CCDC40: variants seen among roughly 807,000 people sequenced by gnomAD.
The protein encoded by CCDC40 is coiled-coil domain 40 molecular ruler complex subunit, also known as coiled-coil domain-containing protein 40.
A neutral mutation model predicts 124.5 loss-of-function variants in CCDC40; 104 were observed. That is an observed-to-expected ratio of 0.84 (90% CI 0.71 to 0.98). CCDC40 has a LOEUF of 0.98. CCDC40 is among the 50% of genes least tolerant of loss of function. The probability of loss-of-function intolerance (pLI) is 0.00; values close to 1 mark genes in which losing one functional copy is unlikely to be tolerated. For synonymous variants in CCDC40, 580 were observed against 602.9 expected (o/e 0.96, Z 0.56); for missense variants, 1,463 against 1,503.9 (o/e 0.97, Z 0.45).
chr17:80,089,591 C>T (rs1432178970), intron 16 of CCDC40, 173 bp from the exon 17 acceptor site: 9 of 497,788 alleles, frequency 1.8e-5, no homozygotes, highest in Non-Finnish European at 2.9e-5. Context: ...CAAACGTTTG[C>T]ATAAGGAGCC....
chr17:80,070,339 A>G (rs1191978694), intron 10 of CCDC40, among the ~76,000 whole-genome samples: 1 of 152,236 alleles, frequency 6.6e-6, no homozygotes, highest in African/African-American at 2.4e-5. Flanking sequence ...TCCTGCCTGT[A>G]ATCACAGTGC....
Position 80,065,959 on chromosome 17 carries a change from C to G in CCDC40, c.1562+353C>G, listed in dbSNP as rs534925968. 8.0e-6 allele frequency: 5 copies of G among 624,618 alleles called. No homozygotes were observed. The East Asian group carries it at 1.4e-4, about 17-fold the overall frequency. 38.7% of individuals were successfully genotyped at this position (624,618 alleles called of 1,614,324 possible). A position where few individuals can be genotyped will look rare whatever the true frequency, so the allele number is the denominator to read the frequency against. The stretch of plus-strand genomic sequence containing the variant: ...TGAGTGCGGAAACCCCATCCCTTCT[C>G]GATTGTTCTGCCTGAGGGCTGCATT... On this transcript the variant is annotated intron_variant, in intron 10 of 19. Coordinates refer to ENST00000397545, the MANE Select transcript of CCDC40 (RefSeq NM_017950.4).
intron 18 of CCDC40, among the ~76,000 whole-genome samples, chr17:80,096,993 G>C (rs2038821574): frequency 6.6e-6 from 1 of 152,200 alleles, no homozygotes; most frequent in African/African-American, 2.4e-5. Flanking sequence ...CAGACCCACT[G>C]CACGGGGAGC....
intron 17 of CCDC40, among the ~76,000 whole-genome samples, chr17:80,092,356 A>G (rs911128340): frequency 6.6e-6 from 1 of 151,976 alleles, no homozygotes; most frequent in Non-Finnish European, 1.5e-5. Context: ...GTTTTGATAG[A>G]GACGTACAAT....
intron 3 of CCDC40, 76 bp downstream of exon 3, chr17:80,040,346 G>A: frequency 7.5e-7 from 1 of 1,332,966 alleles, no homozygotes; most frequent in Non-Finnish European, 1.1e-6. Context: ...GAGGAACTTG[G>A]GAATACATTA....
chr17:80,048,505 G>A, intron 4 of CCDC40, 78 bp from the exon 5 acceptor site: 1 of 1,170,342 alleles, frequency 8.5e-7, no homozygotes. Flanking sequence ...CAGCAGCTGT[G>A]CCATTGATGC....
intron 1 of CCDC40, among the ~76,000 whole-genome samples, chr17:80,037,692 TATAC>T (rs1427830540): frequency 0.037 from 2,123 of 56,786 alleles, 116 homozygotes; most frequent in African/African-American, 0.096. Context: ...TTAAAAAAGA[TATAC>T]ATATATATAT....
Position 80,099,562 on chromosome 17 carries a change from T to G in CCDC40, c.3216T>G (p.Leu1072=), listed in dbSNP as rs758698381. 3.9e-5 allele frequency: 63 copies of G among 1,612,616 alleles called. 2 individuals are homozygous for G. The South Asian group carries it at 6.3e-4, about 16-fold the overall frequency. ...LSEIVALQTR[L]KHLQAVKEGR... ...AGATCGTGGCCCTGCAGACACGCCT[T>G]AAGCACCTGCAGGCTGTGAAGGAGG... The change falls in exon 20 of 20, where the codon CTT becomes CTG. Residue 1072 remains leucine (L), a synonymous_variant. Transcript: ENST00000397545.
intron 7 of CCDC40, among the ~76,000 whole-genome samples, chr17:80,056,026 T>A (rs1479281041): frequency 1.1e-4 from 9 of 78,970 alleles, no homozygotes; most frequent in Non-Finnish European, 2.4e-4. Flanking sequence ...ATTTTTTTTT[T>A]TTTTTGGTAG....
intron 10 of CCDC40, among the ~76,000 whole-genome samples, chr17:80,080,878 C>T (rs977721044): frequency 2.0e-5 from 3 of 152,026 alleles, no homozygotes; most frequent in Non-Finnish European, 4.4e-5. Flanking sequence ...CTACAGTTCA[C>T]GGTAAGTTAG....
chr17:80,057,149 A>C (rs1308402325), intron 7 of CCDC40, among the ~76,000 whole-genome samples: 1 of 151,316 alleles, frequency 6.6e-6, no homozygotes, highest in Non-Finnish European at 1.5e-5. Context: ...TTTTTTTGAG[A>C]CAGAGTCTCA....
At chr17:80,049,395 G>A (rs1006235424) in intron 5 of CCDC40, among the ~76,000 whole-genome samples, 60 of 143,330 alleles carry the variant, frequency 4.2e-4, no homozygotes, top group Non-Finnish European at 8.0e-4. Flanking sequence ...GGCAATAAGA[G>A]CGAAACTCTG....
At chr17:80,071,567 G>A (rs1442380859) in intron 10 of CCDC40, among the ~76,000 whole-genome samples, 3 of 152,182 alleles carry the variant, frequency 2.0e-5, no homozygotes, top group African/African-American at 7.2e-5. Context: ...CCGACGTCAC[G>A]ATTTTTGGAC....
At position 80,058,541 on chromosome 17, in the gene CCDC40, TACATGCAGA is replaced by T. The variant is rs775672044; in HGVS notation, c.1212_1220del (p.Met404_Asn406del). ...GGAGAACTTGGCCCTGCATCTCTTC[TACATGCAGA>T]ACATCGACCAGGACATGCGTGACGA... is the stretch of plus-strand genomic sequence containing the variant. On this transcript the variant is annotated inframe_deletion, in exon 8 of 20. Coordinates refer to ENST00000397545, the MANE Select transcript of CCDC40 (RefSeq NM_017950.4). The surrounding 1 kb of genome is among the most constrained non-coding windows in gnomAD (Gnocchi z 4.2). 3.1e-6 allele frequency: 5 copies of T among 1,613,900 alleles called. No homozygotes were observed. In the Admixed American group the frequency reaches 8.3e-5, roughly 27 times the overall value.
At chr17:80,071,008 C>A (rs1026037830) in intron 10 of CCDC40, among the ~76,000 whole-genome samples, 4 of 152,188 alleles carry the variant, frequency 2.6e-5, no homozygotes, top group South Asian at 2.1e-4. Flanking sequence ...CCACACCAAC[C>A]CTTCAAAGAC....
At position 80,051,367 on chromosome 17, in the gene CCDC40, C is replaced by T. The variant is rs181000171; in HGVS notation, c.1159+1084C>T. The T allele has an allele frequency of 1.9e-4, 153 of 820,488 alleles. No homozygotes were observed. In the African/African-American group the frequency reaches 2.7e-3, roughly 15 times the overall value. The allele number at this position is 820,488 out of a possible 1,614,324, so 50.8% of individuals were successfully genotyped here. ...TCTCTTGGCTGGGCGCAGTGGCTCA[C>T]GCCTGTAATCCTAGCACTTTGGGAG... On this transcript the variant is annotated intron_variant, in intron 7 of 19. Coordinates refer to ENST00000397545, the MANE Select transcript of CCDC40 (RefSeq NM_017950.4).
chr17:80,071,021 C>T (rs1361357542), intron 10 of CCDC40, among the ~76,000 whole-genome samples: 1 of 152,206 alleles, frequency 6.6e-6, no homozygotes, highest in African/African-American at 2.4e-5. Flanking sequence ...TCAAAGACCG[C>T]AGCGGTCCAG....
At chr17:80,050,876 C>T (rs28726257) in intron 7 of CCDC40, among the ~76,000 whole-genome samples, 48,516 of 151,960 alleles carry the variant, frequency 0.32, 10,515 homozygotes, top group African/African-American at 0.62. Context: ...GACCAGGAGG[C>T]GAGAGCAGAC....
At chr17:80,049,121 G>A (rs962251544) in intron 5 of CCDC40, among the ~76,000 whole-genome samples, 3 of 152,014 alleles carry the variant, frequency 2.0e-5, no homozygotes, top group Non-Finnish European at 4.4e-5. Flanking sequence ...CAGGCTGGAC[G>A]TGGTAGCTCA....
Sources: gnomAD v4.1 joint callset for allele counts (sites outside exome capture counted in the v4.1 genomes callset) on GRCh38, gnomAD v4.1.1 for gene constraint, Gnocchi (gnomAD v3.1) non-coding constraint, MANE v1.5 for transcripts, NCBI Gene and HGNC (gene_info 2026-07-23, HGNC 2026-07-21) for gene names.